The following PAEP variants were observed in gnomAD, a reference collection of about 807,000 sequenced individuals.
The protein encoded by PAEP is progestagen associated endometrial protein, also known as glycodelin.
In PAEP, 28 loss-of-function variants were observed where a neutral mutation model predicts 23.0. That is an observed-to-expected ratio of 1.22 (90% confidence interval 0.90 to 1.67). PAEP has a LOEUF of 1.67. Among genes scored for constraint, PAEP ranks in the 40% most tolerant of loss-of-function variants. The probability of loss-of-function intolerance (pLI) is 0.00; values close to 1 mark genes in which losing one functional copy is unlikely to be tolerated. For missense variants in PAEP, 209 were observed against 226.4 expected (o/e 0.92, Z 0.49); for synonymous variants, 103 against 92.4 (o/e 1.12, Z -0.66).
Position 135,562,448 on chromosome 9 carries a change from A to G in PAEP, c.236+15A>G. On this transcript the variant is annotated intron_variant, in intron 2 of 6. Transcript: ENST00000479141. ...CTGCACAGATGGTGGGTTTCTCATC[A>G]TTGAGACGGGCTGGGCGGGGGCTCA... 5 of 1,612,330 alleles carry G rather than the reference A, an allele frequency of 3.1e-6. No homozygotes were observed. Among genetic ancestry groups the G allele is most frequent in the South Asian group, 2.2e-5 (2 of 90,776 alleles).
chr9:135,563,054 C>G (rs146871306), intron 3 of PAEP, 161 bp downstream of exon 3: 7,955 of 623,452 alleles, frequency 0.013, 65 homozygotes, highest in Middle Eastern at 0.024. Context: ...CTGATGCTGA[C>G]CCCAGAGGCA....
At position 135,562,820 on chromosome 9, in the gene PAEP, G is replaced by T. The variant is rs749076505; in HGVS notation, c.237G>T (p.Trp79Cys). 6.2e-7 allele frequency: 1 copy of T among 1,613,092 alleles called. No individual in the cohort carries two copies. Among genetic ancestry groups the T allele is most frequent in the Non-Finnish European group, 8.5e-7 (1 of 1,179,228 alleles). ...TCATCCTATTGTCACCACCTTTCAGGGAGAACAACAGCTGTGTTGAGAAGA... is the reference window on the plus strand; with the variant it reads ...TCATCCTATTGTCACCACCTTTCAGTGAGAACAACAGCTGTGTTGAGAAGA... ...EDNLEIVLHRWENNSCVEKKV... is the reference protein window; with the variant it reads ...EDNLEIVLHRCENNSCVEKKV... The change falls in exon 3 of 7, where the codon TGG becomes TGT. Residue 79 changes from tryptophan to cysteine, a missense_variant and splice_region_variant. Coordinates refer to ENST00000479141, the MANE Select transcript of PAEP (RefSeq NM_002571.4).
Position 135,565,793 on chromosome 9 carries a change from C to G in PAEP, c.535C>G (p.Arg179Gly), listed in dbSNP as rs750586274. 1 of 1,613,640 alleles carries G rather than the reference C, an allele frequency of 6.2e-7. No individual in the cohort carries two copies. Residue 179 changes from arginine (R) to glycine (G), a missense_variant, in exon 6 of 7, where the codon CGT (arginine) becomes GGT (glycine). Arg to Gly is a moderately radical substitution (Grantham distance 125, BLOSUM62 -2). Coordinates refer to ENST00000479141, the MANE Select transcript of PAEP (RefSeq NM_002571.4). ...CCCATCTCCTCCCACAGAGCCGTGC[C>G]GTTTCTAGGTGAGCTCCTGCCTGGT... ...LDLKQMEEPC[R>G]F
Position 135,565,805 on chromosome 9 carries a change from A to C in PAEP, c.*4A>C. The C allele has an allele frequency of 6.2e-7, 1 of 1,614,034 alleles. No homozygotes were observed. On this transcript the variant is annotated splice_donor_region_variant and intron_variant, in intron 6 of 6. Coordinates refer to ENST00000479141, the MANE Select transcript of PAEP (RefSeq NM_002571.4). ...CACAGAGCCGTGCCGTTTCTAGGTG[A>C]GCTCCTGCCTGGTCCTGCCTCCTGG...
intron 4 of PAEP, 53 bp downstream of exon 4, chr9:135,564,407 C>T: frequency 5.8e-6 from 9 of 1,543,126 alleles, no homozygotes; most frequent in Non-Finnish European, 7.0e-6. Flanking sequence ...CAGCTACGTC[C>T]GTGGCTGGGA....
chr9:135,566,735 CAG>C lies in PAEP; in HGVS notation c.*186_*187del, dbSNP rs1050727395. 2.6e-5 allele frequency: 4 copies of C among 154,782 alleles called. No individual in the cohort carries two copies. Among genetic ancestry groups the C allele is most frequent in the African/African-American group, 9.6e-5 (4 of 41,508 alleles). The allele number at this position is 154,782 out of a possible 1,614,324, so 9.6% of individuals were successfully genotyped here. A position where few individuals can be genotyped will look rare whatever the true frequency, so the allele number is the denominator to read the frequency against. ...CCATGGGGAGGCTGCTCCCTGGGGG[CAG>C]AGTCTCTGGCAGAGGTTATTAATAA... On this transcript the variant is annotated 3_prime_UTR_variant, in exon 7 of 7. Coordinates refer to ENST00000479141, the MANE Select transcript of PAEP (RefSeq NM_002571.4).
intron 4 of PAEP, 58 bp from the exon 5 acceptor site, chr9:135,565,352 G>C (rs1411035904): frequency 7.1e-7 from 1 of 1,401,522 alleles, no homozygotes. Flanking sequence ...GGCCTCTGGA[G>C]CTCCCCAGCT....
At chr9:135,562,236 C>G (rs1053309303) in intron 1 of PAEP, 58 bp from the exon 2 acceptor site, 3 of 1,587,812 alleles carry the variant, frequency 1.9e-6, no homozygotes, top group Non-Finnish European at 2.6e-6. Context: ...CCGTCTGCAC[C>G]GGGTGCAACG....
In PAEP at chr9:135,562,842, A is replaced by T; in HGVS notation, c.259A>T (p.Lys87Ter). ...HRWENNSCVE[K>*]KVLGEKTENP... ...CAGGGAGAACAACAGCTGTGTTGAG[A>T]AGAAGGTCCTTGGAGAGAAGACTGA... Residue 87 changes from lysine to a stop codon, truncating the protein, a stop_gained, in exon 3 of 7, where the codon AAG becomes TAG. Coordinates refer to ENST00000479141, the MANE Select transcript of PAEP (RefSeq NM_002571.4). LOFTEE classifies it high-confidence loss of function. 1 of 1,613,978 alleles carries T rather than the reference A, an allele frequency of 6.2e-7. No homozygotes were observed. Among genetic ancestry groups the T allele is most frequent in the Non-Finnish European group, 8.5e-7 (1 of 1,179,866 alleles).
chr9:135,566,773 C>A lies in PAEP; in HGVS notation c.*221C>A, dbSNP rs1832592779. On this transcript the variant is annotated 3_prime_UTR_variant, in exon 7 of 7. Transcript: ENST00000479141. ...AGAGGTTATTAATAAACCCTTGGAG[C>A]ATGTCCTGTCTGGATGCGCAGCCAC... 1 of 155,006 alleles carries A rather than the reference C, an allele frequency of 6.5e-6. No homozygotes were observed. Among genetic ancestry groups the A allele is most frequent in the Non-Finnish European group, 1.5e-5 (1 of 68,254 alleles). The allele number at this position is 155,006 out of a possible 1,614,324, so 9.6% of individuals were successfully genotyped here.
At chr9:135,564,952 A>T (rs372330702) in intron 4 of PAEP, 1 of 864,788 alleles carries the variant, frequency 1.2e-6, no homozygotes, top group Non-Finnish European at 1.4e-6. Context: ...CCTGAAACCT[A>T]TGATGCTGTC....
rs758531872 is a variant in PAEP at position 135,565,461 on chromosome 9, T to C, written c.473T>C (p.Phe158Ser). Residue 158 changes from phenylalanine (F) to serine (S), a missense_variant, in exon 5 of 7, where the codon TTC (phenylalanine) becomes TCC (serine). Transcript: ENST00000479141. Reference sequence around the variant, plus strand: ...ATCATGCAGGGATTCATCAGGGCTTTCAGGCCCCTGCCCAGGCACCTATGG... The same window carrying C: ...ATCATGCAGGGATTCATCAGGGCTTCCAGGCCCCTGCCCAGGCACCTATGG... ...DEIMQGFIRA[F>S]RPLPRHLWYL... is the part of the protein sequence containing the mutation. The C allele has an allele frequency of 1.2e-6, 2 of 1,614,194 alleles. No homozygotes were observed. Among genetic ancestry groups the C allele is most frequent in the Admixed American group, 1.7e-5 (1 of 60,024 alleles).
chr9:135,565,934 G>A (rs916637622), intron 6 of PAEP, 133 bp downstream of exon 6: 2 of 980,070 alleles, frequency 2.0e-6, no homozygotes, highest in Non-Finnish European at 3.3e-6. Context: ...ATGAACTGGG[G>A]TCTGGTCTTG....
chr9:135,565,630 T>C (rs200082958), intron 5 of PAEP, 116 bp downstream of exon 5: 4 of 1,139,072 alleles, frequency 3.5e-6, no homozygotes, highest in East Asian at 9.2e-5. Flanking sequence ...GCCCCTCCCC[T>C]GTTCTCCCCT....
chr9:135,561,775 A>G lies in PAEP; in HGVS notation c.-27A>G. On this transcript the variant is annotated 5_prime_UTR_variant, in exon 1 of 7. Transcript: ENST00000479141. ...TGCCTCAGCATCCCTCTGGCTCCAG[A>G]GCTCAGAGCCACCCACAGCCGCAGC... The G allele has an allele frequency of 6.6e-7, 1 of 1,514,240 alleles. No individual in the cohort carries two copies. The highest frequency in any genetic ancestry group is 9.0e-7 in the Non-Finnish European group (1 of 1,116,492). 93.8% of individuals were successfully genotyped at this position (1,514,240 alleles called of 1,614,324 possible).
chr9:135,562,029 C>T (rs987218788), intron 1 of PAEP, 132 bp downstream of exon 1: 3 of 773,268 alleles, frequency 3.9e-6, no homozygotes, highest in South Asian at 3.6e-5. Flanking sequence ...TCAGGAAGCC[C>T]TCAGCCCTGC....
chr9:135,564,403 C>T lies in PAEP; in HGVS notation c.421+49C>T, dbSNP rs780534699. On this transcript the variant is annotated intron_variant, in intron 4 of 6. Transcript: ENST00000479141. ...CAACGTGGGTGAGAGGCAGCAGCTA[C>T]GTCCGTGGCTGGGAACCCTGGGGAG... 5.8e-6 allele frequency: 9 copies of T among 1,543,036 alleles called. No individual in the cohort carries two copies. The South Asian group carries it at 7.2e-5, about 12-fold the overall frequency.
intron 3 of PAEP, 86 bp from the exon 4 acceptor site, chr9:135,564,158 G>C (rs1832465277): frequency 6.6e-7 from 1 of 1,518,486 alleles, no homozygotes; most frequent in African/African-American, 1.4e-5. Flanking sequence ...AAGCCACTTA[G>C]TGTGGTGGGA....
At chr9:135,562,936 G>A in intron 3 of PAEP, 43 bp downstream of exon 3, 1 of 1,474,508 alleles carries the variant, frequency 6.8e-7, no homozygotes, top group Non-Finnish European at 9.5e-7. Flanking sequence ...GTGCTGGCAT[G>A]CTAGCCACGC....
Sources: gnomAD v4.1 joint callset for allele counts on GRCh38, gnomAD v4.1.1 for gene constraint, MANE v1.5 for transcripts, NCBI Gene and HGNC (gene_info 2026-07-23, HGNC 2026-07-21) for gene names.